Variants in MMACHC observed in about 807,000 individuals in gnomAD.
The protein encoded by MMACHC is cyanocobalamin reductase / alkylcobalamin dealkylase.
MMACHC carries 14 observed loss-of-function variants against 17.6 expected under a neutral mutation model. That is an observed-to-expected ratio of 0.80 (90% confidence interval 0.53 to 1.25). The LOEUF (loss-of-function observed/expected upper bound fraction) is 1.25. MMACHC is among the 50% of genes most tolerant of loss of function. The pLI is 0.00. For missense variants in MMACHC, 392 were observed against 364.5 expected (o/e 1.08, Z -0.62); for synonymous variants, 151 against 142.1 (o/e 1.06, Z -0.45).
In MMACHC at chr1:45,510,172, G is replaced by T. The variant is rs1643714859; in HGVS notation, c.*957G>T. Reference sequence around the variant, plus strand: ...ACCTGGCATATATAGTAAGCAGTATGTTGGCCATTACCAAAGGCCCTGGGA... The same window carrying T: ...ACCTGGCATATATAGTAAGCAGTATTTTGGCCATTACCAAAGGCCCTGGGA... On this transcript the variant is annotated 3_prime_UTR_variant, in exon 4 of 4. Coordinates refer to ENST00000401061, the MANE Select transcript of MMACHC (RefSeq NM_015506.3). 1 of 152,046 alleles carries T rather than the reference G, an allele frequency of 6.6e-6. No homozygotes were observed. The highest frequency in any genetic ancestry group is 6.6e-5 in the Admixed American group (1 of 15,244). The allele number at this position is 152,046 out of a possible 1,614,324, so 9.4% of individuals were successfully genotyped here.
At chr1:45,506,596 C>T (rs1226484896) in intron 1 of MMACHC, among the ~76,000 whole-genome samples, 1 of 152,054 alleles carries the variant, frequency 6.6e-6, no homozygotes, top group Non-Finnish European at 1.5e-5. Context: ...AAGCGATTCT[C>T]CTGCCTCAGC....
chr1:45,504,415 C>A (rs1353199614), intron 1 of MMACHC, among the ~76,000 whole-genome samples: 1 of 151,520 alleles, frequency 6.6e-6, no homozygotes, highest in Non-Finnish European at 1.5e-5. Flanking sequence ...AATTCCATCT[C>A]AAAAAAAAGA....
chr1:45,502,193 C>A (rs1643557273), intron 1 of MMACHC, among the ~76,000 whole-genome samples: 2 of 152,172 alleles, frequency 1.3e-5, no homozygotes, highest in African/African-American at 2.4e-5. Context: ...CCCTTCACTT[C>A]CACCAAACTA....
intron 1 of MMACHC, among the ~76,000 whole-genome samples, chr1:45,506,023 T>C (rs1276702455): frequency 6.6e-6 from 1 of 152,194 alleles, no homozygotes; most frequent in African/African-American, 2.4e-5. Flanking sequence ...CTGGATATAG[T>C]AAAATTTTAA....
At position 45,508,341 on chromosome 1, in the gene MMACHC, G is replaced by A. The variant is rs374086070; in HGVS notation, c.406G>A (p.Glu136Lys). The A allele has an allele frequency of 1.9e-6, 3 of 1,614,114 alleles. No homozygotes were observed. Among genetic ancestry groups the A allele is most frequent in the Admixed American group, 1.7e-5 (1 of 60,010 alleles). The change falls in exon 3 of 4, where the codon GAG becomes AAG. Residue 136 changes from glutamate to lysine, a missense_variant. Glu to Lys is a moderately conservative substitution (Grantham distance 56). Coordinates refer to ENST00000401061, the MANE Select transcript of MMACHC (RefSeq NM_015506.3). ...AAYYYQRQDV[E>K]ADPWGNQRIS... ...TTACTACTACCAACGACAAGATGTG[G>A]AGGCTGACCCATGGGGGAACCAGGT...
Position 45,509,537 on chromosome 1 carries a change from T to A in MMACHC, c.*322T>A. 4.0e-6 allele frequency: 1 copy of A among 248,628 alleles called. No individual in the cohort carries two copies. Among genetic ancestry groups the A allele is most frequent in the Non-Finnish European group, 7.6e-6 (1 of 131,446 alleles). 15.4% of individuals were successfully genotyped at this position (248,628 alleles called of 1,614,324 possible). On this transcript the variant is annotated 3_prime_UTR_variant, in exon 4 of 4. Coordinates refer to ENST00000401061, the MANE Select transcript of MMACHC (RefSeq NM_015506.3). ...CAAGCAATTATCTGCCTCAGCCTCC[T>A]GAGTAGCTGGGATGACAGGTGCCTG... is the stretch of plus-strand genomic sequence containing the variant.
chr1:45,507,273 G>C (rs1283222746), intron 1 of MMACHC, 83 bp from the exon 2 acceptor site: 8 of 1,341,736 alleles, frequency 6.0e-6, no homozygotes, highest in African/African-American at 1.5e-5. Context: ...TGGGGCAAAA[G>C]TGTGAGGCCT....
In MMACHC at chr1:45,511,428, G is replaced by C. The variant is rs748234861; in HGVS notation, c.*2213G>C. On this transcript the variant is annotated 3_prime_UTR_variant, in exon 4 of 4. Coordinates refer to ENST00000401061, the MANE Select transcript of MMACHC (RefSeq NM_015506.3). ...CAGCTGGGCACACTGCAAGAGAAAG[G>C]CACCACTAATTAATAACCTTCTCAA... 5.0e-6 allele frequency: 8 copies of C among 1,607,046 alleles called. No individual in the cohort carries two copies. In the Admixed American group the frequency reaches 6.7e-5, roughly 14 times the overall value.
chr1:45,509,000 C>T lies in MMACHC; in HGVS notation c.634C>T (p.Gln212Ter). 6.2e-7 allele frequency: 1 copy of T among 1,614,178 alleles called. No homozygotes were observed. The highest frequency in any genetic ancestry group is 8.5e-7 in the Non-Finnish European group (1 of 1,180,020). The change falls in exon 4 of 4, where the codon CAG (glutamine) becomes TAG (stop). Residue 212 changes from glutamine (Q) to a stop codon, truncating the protein, a stop_gained. Transcript: ENST00000401061. LOFTEE classifies it low-confidence loss of function (END_TRUNC). ...DWTYRDAVTPQERYSEEQKAY... is the reference protein window; with the variant it reads ...DWTYRDAVTP ...GACTTACCGGGATGCTGTGACACCC[C>T]AGGAGCGCTACTCAGAAGAGCAGAA... is the stretch of plus-strand genomic sequence containing the variant.
At position 45,509,186 on chromosome 1, in the gene MMACHC, G is replaced by T. The variant is rs372444141; in HGVS notation, c.820G>T (p.Val274Phe). The T allele has an allele frequency of 1.9e-6, 3 of 1,614,040 alleles. No individual in the cohort carries two copies. The highest frequency in any genetic ancestry group is 3.3e-5 in the Admixed American group (2 of 59,998). Residue 274 changes from valine to phenylalanine, a missense_variant, in exon 4 of 4, where the codon GTC (valine) becomes TTC (phenylalanine). Physicochemically the swap from Val to Phe is conservative, Grantham distance 50. Coordinates refer to ENST00000401061, the MANE Select transcript of MMACHC (RefSeq NM_015506.3). ...SRARSWLSPR[V>F]SPPASPGP is the part of the protein sequence containing the mutation. Reference sequence around the variant, plus strand: ...AGCCCGGAGCTGGCTCAGCCCCAGGGTCTCACCACCTGCATCCCCTGGCCC... The same window carrying T: ...AGCCCGGAGCTGGCTCAGCCCCAGGTTCTCACCACCTGCATCCCCTGGCCC...
chr1:45,509,013 CAG>C lies in MMACHC; in HGVS notation c.649_650del (p.Glu217ArgfsTer27), dbSNP rs1363738186. ...GCTGTGACACCCCAGGAGCGCTACT[CAG>C]AAGAGCAGAAGGCCTACTTCTCCAC... is the stretch of plus-strand genomic sequence containing the variant. On this transcript the variant is annotated frameshift_variant, in exon 4 of 4. Coordinates refer to ENST00000401061, the MANE Select transcript of MMACHC (RefSeq NM_015506.3). LOFTEE classifies it low-confidence loss of function (END_TRUNC). 1 of 1,614,082 alleles carries C rather than the reference CAG, an allele frequency of 6.2e-7. No individual in the cohort carries two copies. The highest frequency in any genetic ancestry group is 8.5e-7 in the Non-Finnish European group (1 of 1,180,046).
In MMACHC at chr1:45,509,329, C is replaced by G; in HGVS notation, c.*114C>G. The G allele has an allele frequency of 7.8e-7, 1 of 1,283,340 alleles. No individual in the cohort carries two copies. Among genetic ancestry groups the G allele is most frequent in the Non-Finnish European group, 1.1e-6 (1 of 907,010 alleles). The allele number at this position is 1,283,340 out of a possible 1,614,324, so 79.5% of individuals were successfully genotyped here. The stretch of plus-strand genomic sequence containing the variant: ...CTATTTTTGATAATATAGTAGAGAT[C>G]TTCCATGAAGATAACAAGGCTCAAG... On this transcript the variant is annotated 3_prime_UTR_variant, in exon 4 of 4. Coordinates refer to ENST00000401061, the MANE Select transcript of MMACHC (RefSeq NM_015506.3).
rs1215445237 is a variant in MMACHC at position 45,511,712 on chromosome 1, GA to G, written c.*2505del. 16 of 232,986 alleles carry G rather than the reference GA, an allele frequency of 6.9e-5. No homozygotes were observed. The highest frequency in any genetic ancestry group is 1.2e-4 in the South Asian group (1 of 8,598). The allele number at this position is 232,986 out of a possible 1,614,324, so 14.4% of individuals were successfully genotyped here. On this transcript the variant is annotated 3_prime_UTR_variant, in exon 4 of 4. Coordinates refer to ENST00000401061, the MANE Select transcript of MMACHC (RefSeq NM_015506.3). ...GCCAACACTCTCTAATCCTTAAGGGGAAAAAAAAGCTAAATAAACGACACAC... is the reference window on the plus strand; with the variant it reads ...GCCAACACTCTCTAATCCTTAAGGGGAAAAAAAGCTAAATAAACGACACAC...
chr1:45,511,183 C>T lies in MMACHC; in HGVS notation c.*1968C>T, dbSNP rs11544922. The T allele has an allele frequency of 1.5e-6, 1 of 681,300 alleles. No individual in the cohort carries two copies. The highest frequency in any genetic ancestry group is 2.6e-5 in the Admixed American group (1 of 38,346). The allele number at this position is 681,300 out of a possible 1,614,324, so 42.2% of individuals were successfully genotyped here. A position where few individuals can be genotyped will look rare whatever the true frequency, so the allele number is the denominator to read the frequency against. The stretch of plus-strand genomic sequence containing the variant: ...AAAGGAAGAAAGGCTGGTCTCTCCA[C>T]CCCCTGTAGGAAAGGCCTGCCTTGT... On this transcript the variant is annotated 3_prime_UTR_variant, in exon 4 of 4. Transcript: ENST00000401061.
At chr1:45,503,431 C>CTTT (rs10607418) in intron 1 of MMACHC, among the ~76,000 whole-genome samples, 25 of 77,044 alleles carry the variant, frequency 3.2e-4, no homozygotes, top group Non-Finnish European at 4.2e-4. Context: ...TAACTCTCTG[C>CTTT]TTTTTTTTTT....
In MMACHC at chr1:45,509,351, C is replaced by T. The variant is rs1026273880; in HGVS notation, c.*136C>T. On this transcript the variant is annotated 3_prime_UTR_variant, in exon 4 of 4. Coordinates refer to ENST00000401061, the MANE Select transcript of MMACHC (RefSeq NM_015506.3). ...GATCTTCCATGAAGATAACAAGGCT[C>T]AAGGAAGTTAGGTTTGGCCAAGATA... is the stretch of plus-strand genomic sequence containing the variant. 1.2e-5 allele frequency: 13 copies of T among 1,069,716 alleles called. No individual in the cohort carries two copies. The highest frequency in any genetic ancestry group is 6.5e-5 in the African/African-American group (4 of 61,478). 66.3% of individuals were successfully genotyped at this position (1,069,716 alleles called of 1,614,324 possible).
chr1:45,504,467 T>C (rs562983489), intron 1 of MMACHC, among the ~76,000 whole-genome samples: 1 of 152,086 alleles, frequency 6.6e-6, no homozygotes, highest in Admixed American at 6.6e-5. Flanking sequence ...TAGACTAATA[T>C]GGTGTTGACC....
At position 45,508,823 on chromosome 1, in the gene MMACHC, CG is replaced by C; in HGVS notation, c.458del (p.Arg153HisfsTer11). ...CATATCAGGTGTGTGCATACACCCC[CG>C]ATTTGGGGGCTGGTTTGCCATCCGA... ...QRISGVCIHPRFGGWFAIRGV... is the reference protein window; with the variant it reads ...QRISGVCIHPXFGGWFAIRGV... On this transcript the variant is annotated frameshift_variant, in exon 4 of 4. Transcript: ENST00000401061. LOFTEE classifies it low-confidence loss of function (END_TRUNC). 6.2e-7 allele frequency: 1 copy of C among 1,614,090 alleles called. No homozygotes were observed. The highest frequency in any genetic ancestry group is 8.5e-7 in the Non-Finnish European group (1 of 1,179,986).
chr1:45,508,016 G>T (rs1168018726), intron 2 of MMACHC, among the ~76,000 whole-genome samples, 196 bp from the exon 3 acceptor site: 3 of 152,186 alleles, frequency 2.0e-5, no homozygotes, highest in Admixed American at 6.6e-5. Context: ...CAGGTGTTAT[G>T]TATTTCCCTT....
Sources: gnomAD v4.1 joint callset for allele counts (sites outside exome capture counted in the v4.1 genomes callset) on GRCh38, gnomAD v4.1.1 for gene constraint, MANE v1.5 for transcripts, NCBI Gene and HGNC (gene_info 2026-07-23, HGNC 2026-07-21) for gene names.